HTR2C: variants seen among roughly 807,000 people sequenced by gnomAD.
HTR2C encodes the protein 5-hydroxytryptamine (serotonin) receptor 2C, G protein-coupled.
Under a neutral mutation model 21.0 loss-of-function variants are expected in HTR2C, and 5 were observed. The ratio of observed to expected loss-of-function variants is 0.24; its 90% CI spans 0.12 to 0.50. The LOEUF (loss-of-function observed/expected upper bound fraction) is 0.50. Among genes scored for constraint, HTR2C ranks in the 20% least tolerant of loss-of-function variants. HTR2C has a pLI of 0.98. For missense variants in HTR2C, 271 were observed against 371.2 expected, an observed-to-expected ratio of 0.73 and a Z score of 2.22; for synonymous variants, 150 against 145.3, an observed-to-expected ratio of 1.03 and a Z score of -0.23.
chrX:114,878,163 A>G (rs2071153679), intron 5 of HTR2C, among the ~76,000 whole-genome samples: 1 of 110,676 alleles, frequency 9.0e-6, no homozygotes, highest in South Asian at 3.7e-4. Flanking sequence ...TATATTTACC[A>G]TTGTTATAAT....
chrX:114,719,831 C>A (rs1016758964), intron 2 of HTR2C, among the ~76,000 whole-genome samples: 1 of 111,267 alleles, frequency 9.0e-6, no homozygotes, highest in African/African-American at 3.3e-5. Context: ...TAATGGAATT[C>A]ATCCATAGCT....
At chrX:114,716,932 G>A in intron 2 of HTR2C, among the ~76,000 whole-genome samples, 1 of 111,348 alleles carries the variant, frequency 9.0e-6, no homozygotes. Flanking sequence ...ATAATAACTA[G>A]AGGGATAATA....
At chrX:114,774,582 A>G (rs1246947942) in intron 4 of HTR2C, among the ~76,000 whole-genome samples, 2 of 111,859 alleles carry the variant, frequency 1.8e-5, no homozygotes, top group Admixed American at 1.9e-4. Flanking sequence ...GTTAAACTAT[A>G]TATTTTTGTG....
intron 2 of HTR2C, among the ~76,000 whole-genome samples, chrX:114,680,279 A>T (rs1931703306): frequency 1.8e-5 from 2 of 112,546 alleles, no homozygotes; most frequent in South Asian, 7.3e-4. Context: ...TGAGTAATGT[A>T]TACCATAGAG....
At chrX:114,699,909 C>A (rs782090949) in intron 2 of HTR2C, among the ~76,000 whole-genome samples, 5 of 112,192 alleles carry the variant, frequency 4.5e-5, no homozygotes, top group African/African-American at 1.6e-4. Flanking sequence ...TACTCATTAA[C>A]ATCAAAAGTT....
rs185462353 is a variant in HTR2C at position 114,669,355 on chromosome X, T to A, written c.-80+55474T>A. On this transcript the variant is annotated intron_variant, in intron 2 of 5. Coordinates refer to ENST00000276198, the MANE Select transcript of HTR2C (RefSeq NM_000868.4). ...AGCAGATTGGTACATTAGAGCTTTT[T>A]CATTGGAGAAGAAAAACTTCATAAA... is the stretch of plus-strand genomic sequence containing the variant. Among the ~76,000 whole-genome samples the A allele has an allele frequency of 1.9e-3, 208 of 112,081 alleles. 2 individuals are homozygous for A. The highest frequency in any genetic ancestry group is 0.014 in the Admixed American group (145 of 10,546).
intron 2 of HTR2C, among the ~76,000 whole-genome samples, chrX:114,615,981 C>T (rs1286057261): frequency 3.6e-5 from 4 of 111,993 alleles, no homozygotes; most frequent in African/African-American, 1.3e-4. Flanking sequence ...AAATATGCCT[C>T]AAATCTCATC....
rs782343110 is a variant in HTR2C at position 114,736,123 on chromosome X, AAG to A, written c.349+4520_349+4521del. 5.1e-3 allele frequency among the ~76,000 whole-genome samples: 567 copies of A among 110,904 alleles called. 5 individuals are homozygous for A. Among genetic ancestry groups the A allele is most frequent in the African/African-American group, 0.018 (545 of 30,555 alleles). ...GCGAGACTCTATTTCAAAAAAAAAA[AAG>A]AGAAAAGAAAACATAATGCACTTAA... On this transcript the variant is annotated intron_variant, in intron 4 of 5. Coordinates refer to ENST00000276198, the MANE Select transcript of HTR2C (RefSeq NM_000868.4).
At chrX:114,613,959 T>G (rs1457901824) in intron 2 of HTR2C, 78 bp downstream of exon 2, 1 of 111,870 alleles carries the variant, frequency 8.9e-6, no homozygotes, top group African/African-American at 3.3e-5. Flanking sequence ...TGATTCCTAT[T>G]ATTTTGCTAG....
At chrX:114,641,981 C>T (rs970456088) in intron 2 of HTR2C, among the ~76,000 whole-genome samples, 2 of 111,429 alleles carry the variant, frequency 1.8e-5, no homozygotes, top group Non-Finnish European at 3.8e-5. Context: ...CACTTACAAG[C>T]GAGAACATGT....
intron 2 of HTR2C, among the ~76,000 whole-genome samples, chrX:114,714,256 T>C (rs1434307022): frequency 8.9e-6 from 1 of 112,075 alleles, no homozygotes. Context: ...AAACAGATTC[T>C]ACCTGAGAAT....
At chrX:114,745,745 A>G (rs1012695740) in intron 4 of HTR2C, among the ~76,000 whole-genome samples, 7 of 111,752 alleles carry the variant, frequency 6.3e-5, no homozygotes, top group African/African-American at 2.3e-4. Context: ...TGTGAAATCT[A>G]AAAATCAAAA....
chrX:114,787,263 G>A (rs2070184967), intron 4 of HTR2C, among the ~76,000 whole-genome samples: 1 of 112,057 alleles, frequency 8.9e-6, no homozygotes, highest in South Asian at 3.7e-4. Context: ...AGATGTTACA[G>A]AAGCCAATTG....
At chrX:114,901,436 G>A (rs1418276977) in intron 5 of HTR2C, among the ~76,000 whole-genome samples, 1 of 111,717 alleles carries the variant, frequency 9.0e-6, no homozygotes, top group African/African-American at 3.2e-5. Context: ...AGTAGTAGTA[G>A]TTGTAACAGC....
intron 4 of HTR2C, among the ~76,000 whole-genome samples, chrX:114,830,891 C>T (rs1285455307): frequency 2.8e-5 from 2 of 72,507 alleles, no homozygotes; most frequent in Non-Finnish European, 5.2e-5. Flanking sequence ...TATTCCCCTT[C>T]CTGTGTCCAT....
intron 2 of HTR2C, among the ~76,000 whole-genome samples, chrX:114,662,259 T>A (rs1452792765): frequency 8.9e-6 from 1 of 111,951 alleles, no homozygotes; most frequent in Non-Finnish European, 1.9e-5. Flanking sequence ...TTAATTTTTT[T>A]ATAATGATAT....
At chrX:114,635,356 GTT>G (rs1431431894) in intron 2 of HTR2C, among the ~76,000 whole-genome samples, 1 of 112,027 alleles carries the variant, frequency 8.9e-6, no homozygotes, top group Non-Finnish European at 1.9e-5. Context: ...GTTTAATGGA[GTT>G]GCTGTACTAA....
intron 4 of HTR2C, among the ~76,000 whole-genome samples, chrX:114,819,963 T>C (rs1306662455): frequency 5.4e-5 from 6 of 111,218 alleles, no homozygotes; most frequent in African/African-American, 2.0e-4. Context: ...TATTGTCACA[T>C]AGAGTCTGTT....
intron 2 of HTR2C, among the ~76,000 whole-genome samples, chrX:114,643,437 C>T (rs1930214298): frequency 9.1e-6 from 1 of 109,993 alleles, no homozygotes; most frequent in Non-Finnish European, 1.9e-5. Context: ...GCTTTATCAG[C>T]CTTCACATAC....
Sources: allele counts gnomAD v4.1 joint callset (sites outside exome capture counted in the v4.1 genomes callset), GRCh38; gene constraint gnomAD v4.1.1; transcripts MANE v1.5; gene names NCBI Gene and HGNC (gene_info 2026-07-23, HGNC 2026-07-21).